SLC6A18: variants seen among roughly 807,000 people sequenced by gnomAD.
The protein encoded by SLC6A18 is inactive sodium-dependent neutral amino acid transporter B(0)AT3.
SLC6A18 carries 58 observed loss-of-function variants against 62.9 expected under a neutral mutation model. That is an observed-to-expected ratio of 0.92 (90% CI 0.75 to 1.15). The LOEUF is 1.15. SLC6A18 is among the 50% of genes most tolerant of loss of function. The pLI, the probability that SLC6A18 is intolerant of heterozygous loss-of-function variation, is 0.00. For missense variants in SLC6A18, 793 were observed against 836.6 expected (o/e 0.95, Z 0.64); for synonymous variants, 382 against 365.8 (o/e 1.04, Z -0.51).
Position 1,246,086 on chromosome 5 carries a change from C to T in SLC6A18, c.*8C>T. ...GACACGGACATGCGCTGAAGCCGGC[C>T]GGAGCGGGGCCTGCATGGGCGGGTC... On this transcript the variant is annotated 3_prime_UTR_variant, in exon 12 of 12. Coordinates refer to ENST00000324642, the MANE Select transcript of SLC6A18 (RefSeq NM_182632.3). The T allele has an allele frequency of 2.6e-6, 4 of 1,517,542 alleles. No homozygotes were observed. The South Asian group carries it at 3.5e-5, about 13-fold the overall frequency. The allele number at this position is 1,517,542 out of a possible 1,614,324, so 94.0% of individuals were successfully genotyped here.
chr5:1,240,568 G>T lies in SLC6A18; in HGVS notation c.883G>T (p.Val295Phe), dbSNP rs947817624. 1 of 1,614,020 alleles carries T rather than the reference G, an allele frequency of 6.2e-7. No homozygotes were observed. The highest frequency in any genetic ancestry group is 1.3e-5 in the African/African-American group (1 of 74,908). Reference protein sequence around the residue: ...CQKDAVVIALVNRMTSLYASI... With the variant: ...CQKDAVVIALFNRMTSLYASI... ...GAAGGATGCGGTGGTCATCGCCCTG[G>T]TCAACAGGATGACCTCCCTGTACGC... Residue 295 changes from valine (V) to phenylalanine (F), a missense_variant, in exon 7 of 12, where the codon GTC becomes TTC. Coordinates refer to ENST00000324642, the MANE Select transcript of SLC6A18 (RefSeq NM_182632.3).
chr5:1,239,961 G>A (rs892864947), intron 6 of SLC6A18, among the ~76,000 whole-genome samples: 4 of 152,240 alleles, frequency 2.6e-5, no homozygotes, highest in African/African-American at 9.6e-5. Flanking sequence ...GCATAGCCCA[G>A]TGCACTGTGA....
intron 10 of SLC6A18, 113 bp from the exon 11 acceptor site, chr5:1,244,495 C>T (rs1356009986): frequency 5.2e-6 from 8 of 1,547,158 alleles, no homozygotes; most frequent in Non-Finnish European, 7.0e-6. Context: ...CCCTGGGGAG[C>T]TGCCGAGGCA....
intron 7 of SLC6A18, among the ~76,000 whole-genome samples, 166 bp from the exon 8 acceptor site, chr5:1,242,541 G>A (rs1052641408): frequency 6.0e-5 from 9 of 150,920 alleles, no homozygotes; most frequent in South Asian, 4.2e-4. Flanking sequence ...GGCAGGAGGC[G>A]TCCACACGAT....
intron 1 of SLC6A18, among the ~76,000 whole-genome samples, chr5:1,226,062 C>A (rs972619378): frequency 5.9e-5 from 9 of 152,248 alleles, no homozygotes; most frequent in Admixed American, 5.9e-4. Flanking sequence ...CAGACATGTG[C>A]TCAGGTGCCC....
intron 3 of SLC6A18, among the ~76,000 whole-genome samples, chr5:1,233,993 G>C (rs1037932038): frequency 6.6e-6 from 1 of 152,008 alleles, no homozygotes; most frequent in African/African-American, 2.4e-5. Flanking sequence ...CGCCTGCCTC[G>C]GCCTCCCAAA....
chr5:1,242,270 C>G (rs1747083172), intron 7 of SLC6A18, among the ~76,000 whole-genome samples: 1 of 152,256 alleles, frequency 6.6e-6, no homozygotes, highest in African/African-American at 2.4e-5. Flanking sequence ...TCTCCCCTCA[C>G]CCGGCAGTGT....
chr5:1,226,917 G>T (rs1471801732), intron 1 of SLC6A18, among the ~76,000 whole-genome samples: 1 of 151,954 alleles, frequency 6.6e-6, no homozygotes, highest in Non-Finnish European at 1.5e-5. Flanking sequence ...GTTCGCCAAT[G>T]CCTTGCCCAC....
rs771438518 is a variant in SLC6A18 at position 1,239,472 on chromosome 5, G to A, written c.755G>A (p.Arg252Gln). The A allele has an allele frequency of 1.6e-4, 260 of 1,613,930 alleles. No homozygotes were observed. The highest frequency in any genetic ancestry group is 8.2e-4 in the Middle Eastern group (5 of 6,084). The change falls in exon 6 of 12, where the codon CGG becomes CAG. Residue 252 changes from arginine (R) to glutamine (Q), a missense_variant. Physicochemically the swap from Arg to Gln is conservative, Grantham distance 43. Coordinates refer to ENST00000324642, the MANE Select transcript of SLC6A18 (RefSeq NM_182632.3). ...CAGATGCACATTCTCCAGAACCCCC[G>A]GGTGTGGCTGGACGCAGCCACCCAG... ...TPNMHILQNPRVWLDAATQIF... is the reference protein window; with the variant it reads ...TPNMHILQNPQVWLDAATQIF...
intron 1 of SLC6A18, 45 bp from the exon 2 acceptor site, chr5:1,232,174 C>A (rs1417083166): frequency 1.3e-6 from 2 of 1,579,708 alleles, no homozygotes; most frequent in Non-Finnish European, 1.7e-6. Flanking sequence ...ACAGTCCCCC[C>A]CAGCCCCCGA....
In SLC6A18 at chr5:1,244,231, T is replaced by G. The variant is rs1370746289; in HGVS notation, c.1354T>G (p.Cys452Gly). 3 of 1,463,464 alleles carry G rather than the reference T, an allele frequency of 2.0e-6. No homozygotes were observed. The highest frequency in any genetic ancestry group is 2.9e-5 in the African/African-American group (2 of 68,074). The allele number at this position is 1,463,464 out of a possible 1,614,324, so 90.7% of individuals were successfully genotyped here. Residue 452 changes from cysteine (C) to glycine (G), a missense_variant, in exon 10 of 12, where the codon TGC becomes GGC. Cys to Gly is a radical substitution (Grantham distance 159, BLOSUM62 -3). Coordinates refer to ENST00000324642, the MANE Select transcript of SLC6A18 (RefSeq NM_182632.3). ...EALTGLVCLV[C>G]FLSATCFTLQ... ...TGCCCCAGGGCTGGTCTGCCTGGTCTGCTTCCTCTCCGCCACCTGCTTCAC... is the reference window on the plus strand; with the variant it reads ...TGCCCCAGGGCTGGTCTGCCTGGTCGGCTTCCTCTCCGCCACCTGCTTCAC...
chr5:1,244,499 C>G (rs1579535307), intron 10 of SLC6A18, 109 bp from the exon 11 acceptor site: 2 of 1,545,838 alleles, frequency 1.3e-6, no homozygotes, highest in Non-Finnish European at 1.7e-6. Context: ...GGGGAGCTGC[C>G]GAGGCACCAG....
chr5:1,245,248 C>G (rs4975540), intron 11 of SLC6A18, among the ~76,000 whole-genome samples: 1 of 151,898 alleles, frequency 6.6e-6, no homozygotes, highest in Non-Finnish European at 1.5e-5. Context: ...AAAAGCCTCC[C>G]GAGGAGAGAT....
At chr5:1,230,584 G>C (rs1746706874) in intron 1 of SLC6A18, among the ~76,000 whole-genome samples, 1 of 152,198 alleles carries the variant, frequency 6.6e-6, no homozygotes, top group South Asian at 2.1e-4. Context: ...CCCACTCTAG[G>C]GCCTCCCTGT....
Position 1,240,648 on chromosome 5 carries a change from C to G in SLC6A18, c.963C>G (p.His321Gln). The G allele has an allele frequency of 6.2e-7, 1 of 1,613,962 alleles. No homozygotes were observed. Among genetic ancestry groups the G allele is most frequent in the Non-Finnish European group, 8.5e-7 (1 of 1,180,002 alleles). Reference protein sequence around the residue: ...LGFKATNDYEHCLDRNILSLI... With the variant: ...LGFKATNDYEQCLDRNILSLI... ...TCAAAGCAACTAATGACTACGAGCA[C>G]TGCCTGGACAGGTGAGCACAGGTGC... Residue 321 changes from histidine (H) to glutamine (Q), a missense_variant, in exon 7 of 12, where the codon CAC becomes CAG. His to Gln is a conservative substitution (Grantham distance 24). Coordinates refer to ENST00000324642, the MANE Select transcript of SLC6A18 (RefSeq NM_182632.3).
intron 5 of SLC6A18, 62 bp downstream of exon 5, chr5:1,238,122 G>A: frequency 1.5e-6 from 2 of 1,310,250 alleles, no homozygotes; most frequent in Admixed American, 1.7e-5. Flanking sequence ...GCTGTGGCCA[G>A]CAGCTCCCTC....
chr5:1,231,160 C>T (rs1746721027), intron 1 of SLC6A18, among the ~76,000 whole-genome samples: 2 of 152,220 alleles, frequency 1.3e-5, no homozygotes, highest in South Asian at 4.1e-4. Context: ...GGGAAGCCAG[C>T]CCTGCTCGCA....
chr5:1,246,076 T>G lies in SLC6A18; in HGVS notation c.1885T>G (p.Ter629GlyextTer37), dbSNP rs766511824. ...TDMRPDTDMR[*>G] ...CATGCGCCCGGACACGGACATGCGC[T>G]GAAGCCGGCCGGAGCGGGGCCTGCA... The change falls in exon 12 of 12, where the codon TGA (stop) becomes GGA (glycine). Residue 629 changes from the stop codon to glycine (G), a stop_lost. Transcript: ENST00000324642. 6.4e-7 allele frequency: 1 copy of G among 1,572,132 alleles called. No homozygotes were observed. The highest frequency in any genetic ancestry group is 1.8e-5 in the Admixed American group (1 of 56,024).
In SLC6A18 at chr5:1,242,718, G is replaced by A. The variant is rs1412791196; in HGVS notation, c.986G>A (p.Ser329Asn). 3 of 1,610,532 alleles carry A rather than the reference G, an allele frequency of 1.9e-6. No homozygotes were observed. Among genetic ancestry groups the A allele is most frequent in the Admixed American group, 1.7e-5 (1 of 59,580 alleles). Residue 329 changes from serine to asparagine, a missense_variant, in exon 8 of 12, where the codon AGC becomes AAC. Ser to Asn is a conservative substitution (Grantham distance 46). Coordinates refer to ENST00000324642, the MANE Select transcript of SLC6A18 (RefSeq NM_182632.3). ...YEHCLDRNIL[S>N]LINDFDFPEQ... ...CTCTGTCCCCGCAGAAACATCCTCA[G>A]CCTCATCAACGACTTTGACTTCCCA... is the stretch of plus-strand genomic sequence containing the variant.
Sources: gnomAD v4.1 joint callset for allele counts (sites outside exome capture counted in the v4.1 genomes callset) on GRCh38, gnomAD v4.1.1 for gene constraint, MANE v1.5 for transcripts, NCBI Gene and HGNC (gene_info 2026-07-23, HGNC 2026-07-21) for gene names.